Variants in WDHD1 observed in about 807,000 individuals in gnomAD.
WDHD1 encodes the protein WD repeat and HMG-box DNA-binding protein 1.
In WDHD1, 111 loss-of-function variants were observed where a neutral mutation model predicts 135.4. That is an observed-to-expected ratio of 0.82 (90% confidence interval 0.70 to 0.96). WDHD1 has a LOEUF of 0.96. Among genes scored for constraint, WDHD1 ranks in the 40% least tolerant of loss-of-function variants. The pLI is 0.00. For synonymous variants in WDHD1, 434 were observed against 439.0 expected (o/e 0.99, Z 0.14); for missense variants, 1,351 against 1,336.3 (o/e 1.01, Z -0.17).
At chr14:54,957,554 T>C in intron 22 of WDHD1, 38 bp downstream of exon 22, 1 of 1,509,662 alleles carries the variant, frequency 6.6e-7, no homozygotes, top group African/African-American at 1.4e-5. Flanking sequence ...TATACAAATG[T>C]ATTTAAATAA....
intron 10 of WDHD1, 84 bp from the exon 11 acceptor site, chr14:54,995,897 C>A: frequency 1.8e-6 from 2 of 1,084,060 alleles, no homozygotes; most frequent in Non-Finnish European, 2.5e-6. Flanking sequence ...TTTTAATATG[C>A]ACCTATAAAT....
chr14:54,960,358 C>A (rs188866129), intron 21 of WDHD1, among the ~76,000 whole-genome samples: 1 of 150,382 alleles, frequency 6.6e-6, no homozygotes, highest in African/African-American at 2.4e-5. Flanking sequence ...TTAGTAGAGA[C>A]GGGGTTTCAC....
chr14:54,957,682 G>T, intron 21 of WDHD1, 47 bp from the exon 22 acceptor site: 1 of 1,477,016 alleles, frequency 6.8e-7, no homozygotes, highest in Non-Finnish European at 9.3e-7. Context: ...GAAAATAGAT[G>T]ACTTCTGACA....
intron 10 of WDHD1, among the ~76,000 whole-genome samples, chr14:54,996,174 A>C (rs760749872): frequency 2.0e-5 from 3 of 152,218 alleles, no homozygotes; most frequent in African/African-American, 4.8e-5. Flanking sequence ...ATATTGTAAG[A>C]CAGTCTCTCA....
At chr14:54,958,726 T>C (rs376373600) in intron 21 of WDHD1, among the ~76,000 whole-genome samples, 49 of 152,342 alleles carry the variant, frequency 3.2e-4, no homozygotes, top group Admixed American at 2.1e-3. Context: ...TGTGGACTCA[T>C]TGTGTTCCAA....
intron 12 of WDHD1, among the ~76,000 whole-genome samples, chr14:54,989,749 T>A (rs565930571): frequency 6.6e-6 from 1 of 152,054 alleles, no homozygotes; most frequent in South Asian, 2.1e-4. Flanking sequence ...AACCTCTGCC[T>A]CCTGGATTCA....
At chr14:54,997,835 C>T (rs1000794141) in intron 10 of WDHD1, among the ~76,000 whole-genome samples, 3 of 150,000 alleles carry the variant, frequency 2.0e-5, no homozygotes, top group Admixed American at 6.7e-5. Flanking sequence ...CACTTGAACC[C>T]GGGAAGCAGA....
intron 6 of WDHD1, 129 bp downstream of exon 6, chr14:55,008,187 C>T (rs1376896600): frequency 3.7e-6 from 3 of 817,212 alleles, no homozygotes; most frequent in South Asian, 2.4e-5. Context: ...ATCACAAAAA[C>T]AGTATTTAAT....
chr14:55,026,392 G>A (rs553972471), intron 2 of WDHD1, among the ~76,000 whole-genome samples: 3 of 152,074 alleles, frequency 2.0e-5, no homozygotes, highest in South Asian at 2.1e-4. Context: ...AACAGAACAG[G>A]CCACTGAATT....
chr14:54,950,319 A>G (rs2041022766), intron 24 of WDHD1, among the ~76,000 whole-genome samples: 1 of 152,164 alleles, frequency 6.6e-6, no homozygotes, highest in African/African-American at 2.4e-5. Flanking sequence ...CAAATGGAAA[A>G]CAACAAAAGG....
intron 25 of WDHD1, 94 bp from the exon 26 acceptor site, chr14:54,941,784 T>A (rs561931221): frequency 8.9e-7 from 1 of 1,124,358 alleles, no homozygotes; most frequent in African/African-American, 1.6e-5. Flanking sequence ...AATATTTTTA[T>A]ATATAAAGCA....
intron 16 of WDHD1, among the ~76,000 whole-genome samples, chr14:54,974,635 G>T (rs1054312398): frequency 6.6e-6 from 1 of 151,898 alleles, no homozygotes; most frequent in Admixed American, 6.6e-5. Flanking sequence ...AGACCAGCCT[G>T]GGCAACCTGG....
chr14:54,995,792 C>T lies in WDHD1; in HGVS notation c.964G>A (p.Asp322Asn), dbSNP rs2041868810. 2 of 1,603,508 alleles carry T rather than the reference C, an allele frequency of 1.2e-6. No individual in the cohort carries two copies. Among genetic ancestry groups the T allele is most frequent in the Admixed American group, 1.7e-5 (1 of 57,994 alleles). ...TCTCCATCAAAAAGATCATTATAATCCTTTTCCACTCTGCTAGATACCTTG... is the reference window on the plus strand; with the variant it reads ...TCTCCATCAAAAAGATCATTATAATTCTTTTCCACTCTGCTAGATACCTTG... ...SSKVSSRVEK[D>N]YNDLFDGDDM... Residue 322 changes from aspartate (D) to asparagine (N), a missense_variant, in exon 11 of 26, where the codon GAT (aspartate) becomes AAT (asparagine). Around this residue, in one of 2 missense-constraint regions of WDHD1, gnomAD observed 1,330 missense variants for 1,296.1 expected, o/e 1.03. Transcript: ENST00000360586.
intron 8 of WDHD1, 138 bp downstream of exon 8, chr14:55,001,955 G>A (rs1317029150): frequency 1.6e-6 from 1 of 635,654 alleles, no homozygotes; most frequent in South Asian, 1.9e-5. Context: ...GAAAGGATGA[G>A]CTGTTAGAAG....
At chr14:54,957,307 C>T (rs2041176863) in intron 22 of WDHD1, 103 bp from the exon 23 acceptor site, 1 of 1,266,788 alleles carries the variant, frequency 7.9e-7, no homozygotes, top group African/African-American at 1.5e-5. Flanking sequence ...GTATTGCCAT[C>T]TCATCTTTAG....
chr14:54,993,916 T>G (rs1052866816), intron 11 of WDHD1, among the ~76,000 whole-genome samples: 2 of 152,230 alleles, frequency 1.3e-5, no homozygotes, highest in Non-Finnish European at 2.9e-5. Flanking sequence ...TCCTCAAAAT[T>G]TTTTAGAGTA....
At chr14:55,011,655 G>GTA (rs997326873) in intron 3 of WDHD1, among the ~76,000 whole-genome samples, 53 of 149,948 alleles carry the variant, frequency 3.5e-4, no homozygotes, top group Non-Finnish European at 5.5e-4. Context: ...GTGTTTGTGT[G>GTA]TATATATATA....
At chr14:54,997,401 T>C (rs542154446) in intron 10 of WDHD1, among the ~76,000 whole-genome samples, 1 of 152,232 alleles carries the variant, frequency 6.6e-6, no homozygotes, top group Admixed American at 6.5e-5. Flanking sequence ...CAGACCCTCA[T>C]AAACCTTTTA....
At chr14:54,980,508 A>G (rs1445722747) in intron 16 of WDHD1, among the ~76,000 whole-genome samples, 1 of 151,912 alleles carries the variant, frequency 6.6e-6, no homozygotes, top group Non-Finnish European at 1.5e-5. Flanking sequence ...ACACGGATCA[A>G]TATAAAATAC....
Sources: allele counts gnomAD v4.1 joint callset (sites outside exome capture counted in the v4.1 genomes callset), GRCh38; gene constraint gnomAD v4.1.1; regional missense constraint gnomAD v4.1.1; transcripts MANE v1.5; gene names NCBI Gene and HGNC (gene_info 2026-07-23, HGNC 2026-07-21).